SEH1L: variants seen among roughly 807,000 people sequenced by gnomAD.
SEH1L encodes SEH1 like nucleoporin, also known as nucleoporin SEH1.
SEH1L carries 18 observed loss-of-function variants against 49.5 expected under a neutral mutation model. The observed-to-expected ratio is 0.36, with a 90% CI of 0.25 to 0.54. SEH1L has a LOEUF of 0.54. Among genes scored for constraint, SEH1L ranks in the 20% least tolerant of loss-of-function variants. SEH1L has a pLI of 0.87. For synonymous variants in SEH1L, 169 were observed against 178.1 expected (o/e 0.95, Z 0.41); for missense variants, 404 against 528.8 (o/e 0.76, Z 2.31).
At chr18:12,968,683 A>G (rs1356288704) in intron 4 of SEH1L, among the ~76,000 whole-genome samples, 1 of 152,058 alleles carries the variant, frequency 6.6e-6, no homozygotes, top group Admixed American at 6.6e-5. Flanking sequence ...CACTCTTTCT[A>G]GATTTCTAGC....
At position 12,987,093 on chromosome 18, in the gene SEH1L, G is replaced by A. The variant is rs777907389; in HGVS notation, c.*36G>A. On this transcript the variant is annotated 3_prime_UTR_variant, in exon 9 of 9. Coordinates refer to ENST00000399892, the MANE Select transcript of SEH1L (RefSeq NM_001013437.2). ...TAACATTGAAAGGCCTTATTCAAGT[G>A]CTTGTAAATGCTTTCATTTCTGGCT... is the stretch of plus-strand genomic sequence containing the variant. 8 of 1,358,642 alleles carry A rather than the reference G, an allele frequency of 5.9e-6. No individual in the cohort carries two copies. The highest frequency in any genetic ancestry group is 2.5e-5 in the East Asian group (1 of 40,408). 84.2% of individuals were successfully genotyped at this position (1,358,642 alleles called of 1,614,324 possible). A position where few individuals can be genotyped will look rare whatever the true frequency, so the allele number is the denominator to read the frequency against.
At chr18:12,969,596 G>A (rs555403890) in intron 4 of SEH1L, among the ~76,000 whole-genome samples, 174 of 151,906 alleles carry the variant, frequency 1.1e-3, no homozygotes, top group African/African-American at 4.1e-3. Context: ...GCCGAGGCAC[G>A]AGAATCGCTT....
At chr18:12,971,731 T>A (rs1199162878) in intron 5 of SEH1L, 2 of 153,604 alleles carry the variant, frequency 1.3e-5, no homozygotes, top group Non-Finnish European at 2.9e-5. Context: ...ATGAATCTTA[T>A]GAAGTGGAAG....
chr18:12,958,409 A>G (rs114723263), intron 3 of SEH1L, among the ~76,000 whole-genome samples: 93 of 152,304 alleles, frequency 6.1e-4, no homozygotes, highest in African/African-American at 2.2e-3. Flanking sequence ...TGTAAATGGT[A>G]TAATTCAGTA....
intron 6 of SEH1L, among the ~76,000 whole-genome samples, chr18:12,980,651 G>A (rs2032188268): frequency 7.5e-6 from 1 of 132,912 alleles, no homozygotes; most frequent in Admixed American, 7.3e-5. Flanking sequence ...CCGGGCAGAG[G>A]CGCCCCTCAC....
intron 4 of SEH1L, among the ~76,000 whole-genome samples, chr18:12,968,950 C>T (rs2031567752): frequency 6.6e-6 from 1 of 152,168 alleles, no homozygotes; most frequent in South Asian, 2.1e-4. Flanking sequence ...TGGGGTGGCT[C>T]ACGTAATTCC....
intron 7 of SEH1L, 50 bp from the exon 8 acceptor site, chr18:12,983,990 T>C: frequency 2.7e-6 from 4 of 1,490,360 alleles, no homozygotes; most frequent in Non-Finnish European, 3.7e-6. Context: ...ATTTGTGCCC[T>C]TAGGCATTGG....
chr18:12,948,429 C>T, intron 1 of SEH1L, 197 bp downstream of exon 1: 1 of 463,614 alleles, frequency 2.2e-6, no homozygotes, highest in Non-Finnish European at 3.8e-6. Context: ...GCGGGCCGCC[C>T]TCCCGTGCGC....
intron 4 of SEH1L, among the ~76,000 whole-genome samples, chr18:12,968,661 G>C (rs894899683): frequency 3.3e-5 from 5 of 151,946 alleles, no homozygotes; most frequent in African/African-American, 1.2e-4. Context: ...CAAATTTCTT[G>C]ATTTCTAATG....
At chr18:12,948,592 C>G (rs1401162548) in intron 1 of SEH1L, 2 of 187,492 alleles carry the variant, frequency 1.1e-5, no homozygotes, top group Non-Finnish European at 2.2e-5. Flanking sequence ...ACCCGACGAC[C>G]TGCAGTGGGA....
At chr18:12,964,369 T>A (rs903946827) in intron 4 of SEH1L, 2 of 152,170 alleles carry the variant, frequency 1.3e-5, no homozygotes, top group South Asian at 2.1e-4. Flanking sequence ...TCTTGCTATG[T>A]TATCTTTTTT....
chr18:12,982,712 T>G, intron 7 of SEH1L, 37 bp downstream of exon 7: 1 of 1,474,186 alleles, frequency 6.8e-7, no homozygotes. Context: ...TTGGTTTATA[T>G]TTCTGCTCTG....
chr18:12,957,519 T>C (rs2030942810), intron 3 of SEH1L, among the ~76,000 whole-genome samples: 2 of 152,246 alleles, frequency 1.3e-5, no homozygotes, highest in South Asian at 4.1e-4. Flanking sequence ...AAGAACATAA[T>C]ATAATCTGTG....
At chr18:12,981,048 C>T (rs1598979915) in intron 6 of SEH1L, among the ~76,000 whole-genome samples, 1 of 151,264 alleles carries the variant, frequency 6.6e-6, no homozygotes, top group East Asian at 2.0e-4. Context: ...GGCGGAGGGG[C>T]TTCTCACTTC....
Position 12,987,286 on chromosome 18 carries a change from A to T in SEH1L, c.*229A>T, listed in dbSNP as rs1285631808. ...CCTTTGATGAAATGAGATATGTCCA[A>T]GTAACGTTAACTGTGAAGTTACACA... On this transcript the variant is annotated 3_prime_UTR_variant, in exon 9 of 9. Transcript: ENST00000399892. 18 of 350,114 alleles carry T rather than the reference A, an allele frequency of 5.1e-5. No homozygotes were observed. The highest frequency in any genetic ancestry group is 2.1e-5 in the Non-Finnish European group (4 of 193,162). The allele number at this position is 350,114 out of a possible 1,614,324, so 21.7% of individuals were successfully genotyped here. A position where few individuals can be genotyped will look rare whatever the true frequency, so the allele number is the denominator to read the frequency against.
chr18:12,948,209 T>G lies in SEH1L; in HGVS notation c.88T>G (p.Cys30Gly). 6.2e-7 allele frequency: 1 copy of G among 1,611,298 alleles called. No individual in the cohort carries two copies. The highest frequency in any genetic ancestry group is 1.1e-5 in the South Asian group (1 of 90,952). The change falls in exon 1 of 9, where the codon TGC becomes GGC. Residue 30 changes from cysteine (C) to glycine (G), a missense_variant. Transcript: ENST00000399892. ...FDFHGRRMATCSSDQSVKVWD... is the reference protein window; with the variant it reads ...FDFHGRRMATGSSDQSVKVWD... ...CTTCCACGGGCGGCGGATGGCAACC[T>G]GCTCCAGCGATCAGAGCGTTAAGGT...
At chr18:12,979,750 AC>A (rs1170761110) in intron 6 of SEH1L, among the ~76,000 whole-genome samples, 3 of 109,150 alleles carry the variant, frequency 2.7e-5, no homozygotes, top group South Asian at 3.4e-4. Context: ...CGGGGGGCTG[AC>A]CCCCCCACCT....
chr18:12,966,048 A>AATCTTACTTATC (rs1335056144), intron 4 of SEH1L, among the ~76,000 whole-genome samples: 1 of 151,836 alleles, frequency 6.6e-6, no homozygotes, highest in African/African-American at 2.4e-5. Flanking sequence ...TTTGTTGATT[A>AATCTTACTTATC]ATCTTACTTA....
intron 4 of SEH1L, among the ~76,000 whole-genome samples, chr18:12,967,598 T>A (rs998703440): frequency 6.6e-6 from 1 of 152,174 alleles, no homozygotes; most frequent in African/African-American, 2.4e-5. Context: ...GCAGAGCTGC[T>A]CTGCACCTGC....
Sources: gnomAD v4.1 joint callset for allele counts (sites outside exome capture counted in the v4.1 genomes callset) on GRCh38, gnomAD v4.1.1 for gene constraint, MANE v1.5 for transcripts, NCBI Gene and HGNC (gene_info 2026-07-23, HGNC 2026-07-21) for gene names.